The following CHL1 variants were observed in gnomAD, a reference collection of about 807,000 sequenced individuals.
CHL1 encodes cell adhesion molecule L1 like, also known as neural cell adhesion molecule L1-like protein.
Under a neutral mutation model 141.9 loss-of-function variants are expected in CHL1, and 96 were observed. The observed-to-expected ratio is 0.68, with a 90% CI of 0.57 to 0.80. The LOEUF (loss-of-function observed/expected upper bound fraction) is 0.80. CHL1 is among the 30% of genes least tolerant of loss of function. The pLI is 0.00. For missense variants in CHL1, 1,820 were observed against 1,457.2 expected (o/e 1.25, Z -4.05); for synonymous variants, 613 against 502.2 (o/e 1.22, Z -2.95).
intron 2 of CHL1, among the ~76,000 whole-genome samples, chr3:279,742 G>T (rs1259433880): frequency 2.6e-5 from 4 of 152,196 alleles, no homozygotes; most frequent in African/African-American, 9.6e-5. Flanking sequence ...ATGGAGGGAG[G>T]AAAGATAGTA....
At chr3:223,551 A>G (rs1701055092) in intron 1 of CHL1, among the ~76,000 whole-genome samples, 1 of 152,200 alleles carries the variant, frequency 6.6e-6, no homozygotes, top group Admixed American at 6.5e-5. Flanking sequence ...CTTGCTATGT[A>G]TTTACTGCAG....
chr3:376,316 A>G (rs1706312115), intron 15 of CHL1: 2 of 481,662 alleles, frequency 4.2e-6, no homozygotes, highest in Admixed American at 4.4e-5. Context: ...TTGACATGTG[A>G]CAGAATTATC....
intron 27 of CHL1, among the ~76,000 whole-genome samples, chr3:404,474 A>T (rs1709378846): frequency 6.6e-6 from 1 of 152,160 alleles, no homozygotes; most frequent in African/African-American, 2.4e-5. Context: ...AAAAATCTTG[A>T]TCCAAAATTT....
intron 1 of CHL1, among the ~76,000 whole-genome samples, chr3:198,295 C>T (rs1698576204): frequency 6.6e-6 from 1 of 151,976 alleles, no homozygotes; most frequent in African/African-American, 2.4e-5. Flanking sequence ...CTCGTGGGAG[C>T]CGCGGAGCAG....
intron 1 of CHL1, among the ~76,000 whole-genome samples, chr3:224,083 G>A (rs1025505664): frequency 6.6e-6 from 1 of 152,160 alleles, no homozygotes; most frequent in Non-Finnish European, 1.5e-5. Flanking sequence ...GCTGGTTATT[G>A]TTTAACTGTA....
At chr3:382,804 C>A in intron 18 of CHL1, 133 bp downstream of exon 18, 3 of 760,940 alleles carry the variant, frequency 3.9e-6, no homozygotes, top group South Asian at 1.8e-5. Context: ...GTTCTCTAAA[C>A]AGCACACAAA....
intron 15 of CHL1, chr3:373,541 T>A (rs1487449114): frequency 6.6e-6 from 1 of 152,440 alleles, no homozygotes; most frequent in Non-Finnish European, 1.5e-5. Flanking sequence ...CCAGGGAGCT[T>A]AGCGTGTTAG....
intron 2 of CHL1, among the ~76,000 whole-genome samples, chr3:291,284 A>G (rs1697673470): frequency 1.3e-5 from 2 of 152,122 alleles, no homozygotes; most frequent in South Asian, 4.1e-4. Context: ...ACTCATAATG[A>G]TGTCATATAT....
At position 406,074 on chromosome 3, in the gene CHL1, G is replaced by A. The variant is rs147682031; in HGVS notation, c.*363G>A. On this transcript the variant is annotated 3_prime_UTR_variant, in exon 28 of 28. Transcript: ENST00000256509. ...GTTGCTACTTGGTGGGTTTTTCTCC[G>A]TATGCACATTGGTATACAGTCTCTG... 31 of 221,668 alleles carry A rather than the reference G, an allele frequency of 1.4e-4. No homozygotes were observed. The highest frequency in any genetic ancestry group is 6.3e-4 in the East Asian group (5 of 7,960). 13.7% of individuals were successfully genotyped at this position (221,668 alleles called of 1,614,324 possible). A position where few individuals can be genotyped will look rare whatever the true frequency, so the allele number is the denominator to read the frequency against.
intron 1 of CHL1, among the ~76,000 whole-genome samples, chr3:233,842 A>G (rs1691656852): frequency 6.6e-6 from 1 of 152,064 alleles, no homozygotes; most frequent in African/African-American, 2.4e-5. Flanking sequence ...TTGTCACCCA[A>G]ATTTTATTGT....
intron 2 of CHL1, among the ~76,000 whole-genome samples, chr3:249,933 T>A (rs1312224647): frequency 2.6e-5 from 4 of 152,038 alleles, no homozygotes; most frequent in Non-Finnish European, 5.9e-5. Context: ...GGACTGTGAA[T>A]TAAACTAACA....
intron 10 of CHL1, 36 bp from the exon 11 acceptor site, chr3:354,604 A>ATC: frequency 6.3e-7 from 1 of 1,576,102 alleles, no homozygotes; most frequent in Non-Finnish European, 8.6e-7. Context: ...TTTGACATAG[A>ATC]TAACATCTCT....
chr3:260,553 C>T (rs1049505393), intron 2 of CHL1, among the ~76,000 whole-genome samples: 2 of 152,150 alleles, frequency 1.3e-5, no homozygotes, highest in Non-Finnish European at 1.5e-5. Context: ...AAATAACATT[C>T]CGATACCAGC....
At chr3:304,093 T>C (rs1329603342) in intron 2 of CHL1, among the ~76,000 whole-genome samples, 1 of 151,728 alleles carries the variant, frequency 6.6e-6, no homozygotes, top group Non-Finnish European at 1.5e-5. Context: ...TACCTGGTGG[T>C]AAGCTTTTTG....
intron 2 of CHL1, among the ~76,000 whole-genome samples, chr3:263,736 T>G (rs1251610705): frequency 6.6e-6 from 1 of 152,216 alleles, no homozygotes; most frequent in Non-Finnish European, 1.5e-5. Flanking sequence ...TACTTTTAGA[T>G]TTTTATAGCT....
intron 5 of CHL1, 53 bp downstream of exon 5, chr3:328,407 A>T: frequency 7.0e-7 from 1 of 1,420,804 alleles, no homozygotes; most frequent in Non-Finnish European, 9.6e-7. Context: ...GAAGTGTTAA[A>T]TAGGAGTTAG....
chr3:293,534 C>A (rs956980141), intron 2 of CHL1, among the ~76,000 whole-genome samples: 8 of 151,998 alleles, frequency 5.3e-5, no homozygotes, highest in Non-Finnish European at 1.2e-4. Flanking sequence ...CTAATTGAAT[C>A]TTTCCCCCTG....
intron 1 of CHL1, among the ~76,000 whole-genome samples, chr3:234,993 C>CTATCATTATTAT (rs146451297): frequency 6.7e-6 from 1 of 148,282 alleles, no homozygotes; most frequent in Non-Finnish European, 1.5e-5. Context: ...TTTTTTATTA[C>CTATCATTATTAT]TATTATTATT....
At chr3:263,246 G>A (rs1187253308) in intron 2 of CHL1, among the ~76,000 whole-genome samples, 2 of 152,022 alleles carry the variant, frequency 1.3e-5, no homozygotes, top group African/African-American at 2.4e-5. Context: ...TGAACTCCTT[G>A]CCAGTTGTAA....
Sources: gnomAD v4.1 joint callset for allele counts (sites outside exome capture counted in the v4.1 genomes callset) on GRCh38, gnomAD v4.1.1 for gene constraint, MANE v1.5 for transcripts, NCBI Gene and HGNC (gene_info 2026-07-23, HGNC 2026-07-21) for gene names.